ITPA: variants seen among roughly 807,000 people sequenced by gnomAD.
The protein encoded by ITPA is inosine triphosphate pyrophosphatase.
Under a neutral mutation model 29.6 loss-of-function variants are expected in ITPA, and 29 were observed. The observed-to-expected ratio is 0.98, with a 90% CI of 0.73 to 1.34. ITPA has a LOEUF of 1.34. Ranked by LOEUF, ITPA falls within the 40% of genes most tolerant of loss-of-function variation. The pLI is 0.00. For synonymous variants in ITPA, 103 were observed against 99.3 expected (o/e 1.04, Z -0.22); for missense variants, 241 against 251.5 (o/e 0.96, Z 0.28).
intron 5 of ITPA, among the ~76,000 whole-genome samples, chr20:3,216,762 A>C (rs2067311471): frequency 6.6e-6 from 1 of 150,944 alleles, no homozygotes; most frequent in Non-Finnish European, 1.5e-5. Flanking sequence ...TAATTTTTGT[A>C]TTTTTAGTAG....
At chr20:3,218,348 T>C (rs1328971273) in intron 5 of ITPA, among the ~76,000 whole-genome samples, 169 bp from the exon 6 acceptor site, 5 of 152,232 alleles carry the variant, frequency 3.3e-5, no homozygotes. Flanking sequence ...GAGACTTCCA[T>C]TTCAAGCCTA....
chr20:3,217,583 C>T (rs2067336366), intron 5 of ITPA, among the ~76,000 whole-genome samples: 1 of 151,948 alleles, frequency 6.6e-6, no homozygotes. Context: ...ATCCTCCCAC[C>T]TTAGCCTCCT....
At chr20:3,207,253 C>T (rs992461604), upstream of ITPA, among the ~76,000 whole-genome samples, 6 of 152,276 alleles carry the variant, frequency 3.9e-5, no homozygotes, top group South Asian at 4.1e-4. Flanking sequence ...CCAAGCCCAA[C>T]TAATTTTTTG....
chr20:3,214,051 C>A lies in ITPA; in HGVS notation c.256C>A (p.Pro86Thr). The change falls in exon 4 of 8, where the codon CCC (proline) becomes ACC (threonine). Residue 86 changes from proline (P) to threonine (T), a missense_variant. Transcript: ENST00000380113. Reference sequence around the variant, plus strand: ...CAATGCCCTTGGAGGGCTCCCCGGCCCCTACATGTGAGTGACTACCTCCAC... The same window carrying A: ...CAATGCCCTTGGAGGGCTCCCCGGCACCTACATGTGAGTGACTACCTCCAC... ...CFNALGGLPG[P>T]YIKWFLEKLK... 1 of 1,614,158 alleles carries A rather than the reference C, an allele frequency of 6.2e-7. No homozygotes were observed. Among genetic ancestry groups the A allele is most frequent in the Middle Eastern group, 1.6e-4 (1 of 6,062 alleles).
upstream of ITPA, among the ~76,000 whole-genome samples, chr20:3,204,885 C>T (rs907178193): frequency 5.3e-5 from 8 of 151,700 alleles, no homozygotes; most frequent in Admixed American, 2.6e-4. Flanking sequence ...GACGGAGTCT[C>T]TGTCGCACAG....
At chr20:3,212,829 T>C (rs911817859) in intron 1 of ITPA, among the ~76,000 whole-genome samples, 1 of 152,210 alleles carries the variant, frequency 6.6e-6, no homozygotes, top group Non-Finnish European at 1.5e-5. Flanking sequence ...CCAATCCATG[T>C]TCATAGGCCT....
chr20:3,209,362 A>G, upstream of ITPA: 1 of 676,470 alleles, frequency 1.5e-6, no homozygotes, highest in South Asian at 1.6e-5. The surrounding 1 kb of genome is among the most constrained non-coding windows in gnomAD (Gnocchi z 4.6). Flanking sequence ...GGCCCCCAGC[A>G]AATCGGACGC....
At chr20:3,216,332 G>T (rs985597241) in intron 5 of ITPA, among the ~76,000 whole-genome samples, 13 of 146,374 alleles carry the variant, frequency 8.9e-5, no homozygotes, top group African/African-American at 3.3e-4. Flanking sequence ...GCTAATTTTT[G>T]TATTTTTAGT....
chr20:3,225,719 C>T (rs1193474961), downstream of ITPA, among the ~76,000 whole-genome samples: 1 of 152,076 alleles, frequency 6.6e-6, no homozygotes, highest in East Asian at 1.9e-4. Flanking sequence ...ATGCCCAACC[C>T]TTAAAAAATA....
intron 7 of ITPA, among the ~76,000 whole-genome samples, chr20:3,222,713 C>T (rs766110992): frequency 3.3e-4 from 50 of 152,162 alleles, no homozygotes; most frequent in Admixed American, 1.1e-3. Context: ...CCTTAGGGAG[C>T]GCAGTGTGAG....
intron 5 of ITPA, 131 bp downstream of exon 5, chr20:3,215,443 T>C: frequency 1.3e-6 from 1 of 791,422 alleles, no homozygotes; most frequent in Non-Finnish European, 2.2e-6. Context: ...CACCTCATTT[T>C]CCCCATCTAG....
At chr20:3,204,832 G>A, upstream of ITPA, 1 of 557,894 alleles carries the variant, frequency 1.8e-6, no homozygotes, top group South Asian at 2.2e-5. Flanking sequence ...ATAGCAGACG[G>A]TATGTCCAGT....
intron 6 of ITPA, chr20:3,221,618 T>G (rs2067465267): frequency 6.3e-6 from 4 of 632,452 alleles, no homozygotes; most frequent in Admixed American, 2.3e-5. Flanking sequence ...GGTGGTCCTG[T>G]GGGTCCATGC....
rs4815576 is a variant in ITPA, at chr20:3,218,800, G to C, written c.411+168G>C. On this transcript the variant is annotated intron_variant, in intron 6 of 7. Transcript: ENST00000380113. ...TGCGCAGCATAGGTAGAAGTGCTGTGGATCCTAGGAGGGTGGTGGAAAGGG... is the reference window on the plus strand; with the variant it reads ...TGCGCAGCATAGGTAGAAGTGCTGTCGATCCTAGGAGGGTGGTGGAAAGGG... The C allele has an allele frequency of 0.59, 399,391 of 677,058 alleles. 119,725 individuals are homozygous for C. Among genetic ancestry groups the C allele is most frequent in the African/African-American group, 0.72 (40,908 of 56,682 alleles). The allele number at this position is 677,058 out of a possible 1,614,324, so 41.9% of individuals were successfully genotyped here.
intron 5 of ITPA, among the ~76,000 whole-genome samples, chr20:3,217,998 A>G (rs2067352491): frequency 6.6e-6 from 1 of 151,590 alleles, no homozygotes; most frequent in African/African-American, 2.4e-5. Flanking sequence ...GCTCACTGCA[A>G]GCTCCGCCTC....
Position 3,209,693 on chromosome 20 carries a change from AGCAC to A in ITPA, c.66+78_66+81del. 1 of 1,185,606 alleles carries A rather than the reference AGCAC, an allele frequency of 8.4e-7. No individual in the cohort carries two copies. The highest frequency in any genetic ancestry group is 1.3e-6 in the Non-Finnish European group (1 of 798,322). The allele number at this position is 1,185,606 out of a possible 1,614,324, so 73.4% of individuals were successfully genotyped here. The stretch of plus-strand genomic sequence containing the variant: ...GAGAAGGGGCTTCCGGGAGGAGGGA[AGCAC>A]GTGGGAGGAGGCATGGAGAGAGAAC... On this transcript the variant is annotated intron_variant, in intron 1 of 7. Coordinates refer to ENST00000380113, the MANE Select transcript of ITPA (RefSeq NM_033453.4). This position sits in a 1 kb window ranked among gnomAD's most constrained non-coding sequence, Gnocchi z 4.6.
intron 5 of ITPA, among the ~76,000 whole-genome samples, chr20:3,218,298 T>A (rs978483514): frequency 1.3e-5 from 2 of 152,190 alleles, no homozygotes; most frequent in Non-Finnish European, 2.9e-5. Context: ...AATAAAGCCT[T>A]GTATCGTCAG....
chr20:3,213,170 T>C lies in ITPA; in HGVS notation c.68T>C (p.Val23Ala). The C allele has an allele frequency of 6.2e-7, 1 of 1,613,812 alleles. No individual in the cohort carries two copies. The highest frequency in any genetic ancestry group is 1.3e-5 in the African/African-American group (1 of 75,020). ...VTGNAKKLEE[V>A]VQILGDKFPC... ...GTGTTCTCTTTTCTCTTGGAACAGGTCGTTCAGATTCTAGGAGATAAGTTT... is the reference window on the plus strand; with the variant it reads ...GTGTTCTCTTTTCTCTTGGAACAGGCCGTTCAGATTCTAGGAGATAAGTTT... The change falls in exon 2 of 8, where the codon GTC becomes GCC. Residue 23 changes from valine (V) to alanine (A), a missense_variant and splice_region_variant. By Grantham distance (64) the Val-to-Ala change is moderately conservative. Coordinates refer to ENST00000380113, the MANE Select transcript of ITPA (RefSeq NM_033453.4).
intron 5 of ITPA, among the ~76,000 whole-genome samples, chr20:3,216,445 A>G (rs1600513698): frequency 7.1e-6 from 1 of 140,828 alleles, no homozygotes; most frequent in Non-Finnish European, 1.5e-5. Flanking sequence ...GGTGTGAGTT[A>G]CCATGCCTGG....
Sources: allele counts gnomAD v4.1 joint callset (sites outside exome capture counted in the v4.1 genomes callset), GRCh38; gene constraint gnomAD v4.1.1; non-coding constraint Gnocchi (gnomAD v3.1); transcripts MANE v1.5; gene names NCBI Gene and HGNC (gene_info 2026-07-23, HGNC 2026-07-21).